The following LAMA2 variants were observed in gnomAD, a reference collection of about 807,000 sequenced individuals.
LAMA2 encodes the protein laminin subunit alpha-2.
Under a neutral mutation model 364.8 loss-of-function variants are expected in LAMA2, and 269 were observed. The observed-to-expected ratio is 0.74, with a 90% CI of 0.67 to 0.82. The LOEUF is 0.82. LAMA2 is among the 40% of genes least tolerant of loss of function. The pLI, the probability that LAMA2 is intolerant of heterozygous loss-of-function variation, is 0.00. For synonymous variants in LAMA2, 1,379 were observed against 1,370.6 expected (o/e 1.01, Z -0.14); for missense variants, 3,807 against 3,873.2 (o/e 0.98, Z 0.45).
At chr6:129,221,030 C>T (rs1361187177) in intron 12 of LAMA2, among the ~76,000 whole-genome samples, 1 of 151,854 alleles carries the variant, frequency 6.6e-6, no homozygotes, top group Non-Finnish European at 1.5e-5. Context: ...GGCATGGTGG[C>T]ACATGCCTGT....
At chr6:129,486,318 T>C (rs1784580051) in intron 55 of LAMA2, among the ~76,000 whole-genome samples, 156 bp from the exon 56 acceptor site, 1 of 152,236 alleles carries the variant, frequency 6.6e-6, no homozygotes, top group South Asian at 2.1e-4. Flanking sequence ...TAGAAAGATA[T>C]TTCCAGCTGT....
At chr6:129,061,821 G>GTAC (rs557290700) in intron 3 of LAMA2, among the ~76,000 whole-genome samples, 111 of 152,314 alleles carry the variant, frequency 7.3e-4, no homozygotes, top group Middle Eastern at 3.4e-3. Flanking sequence ...AGTGGAATTG[G>GTAC]TACAGAGCAT....
chr6:128,946,914 T>C (rs899736118), intron 1 of LAMA2, among the ~76,000 whole-genome samples: 1 of 152,232 alleles, frequency 6.6e-6, no homozygotes, highest in African/African-American at 2.4e-5. Context: ...TTGAGAGATA[T>C]ACTGTTAAAC....
At chr6:129,111,682 G>A (rs556940235) in intron 4 of LAMA2, among the ~76,000 whole-genome samples, 21 of 152,056 alleles carry the variant, frequency 1.4e-4, no homozygotes, top group African/African-American at 5.1e-4. Context: ...GTATCAATGG[G>A]AAATCAGGCA....
chr6:129,185,715 T>C (rs553042486), intron 10 of LAMA2, among the ~76,000 whole-genome samples: 132 of 151,946 alleles, frequency 8.7e-4, no homozygotes, highest in Non-Finnish European at 1.7e-3. Flanking sequence ...TTAAGTAGAT[T>C]GAAAACACTA....
At chr6:129,073,083 T>G (rs1193068671) in intron 3 of LAMA2, among the ~76,000 whole-genome samples, 2 of 152,164 alleles carry the variant, frequency 1.3e-5, no homozygotes, top group Admixed American at 6.5e-5. Context: ...GTTTTTTCAC[T>G]TTTCTTTACT....
rs374201203 is a variant in LAMA2, at chr6:129,391,598, G to C, written c.5179G>C (p.Glu1727Gln). Residue 1727 changes from glutamate (E) to glutamine (Q), a missense_variant, in exon 36 of 65, where the codon GAA becomes CAA. By Grantham distance (29) the Glu-to-Gln change is conservative (BLOSUM62 2). Coordinates refer to ENST00000421865, the MANE Select transcript of LAMA2 (RefSeq NM_000426.4). Reference sequence around the variant, plus strand: ...GAAAGAGATTGACCAGATGATTAAAGAACTGAGGAGGAAAAATCTAGAGAC... The same window carrying C: ...GAAAGAGATTGACCAGATGATTAAACAACTGAGGAGGAAAAATCTAGAGAC... ...LQKEIDQMIK[E>Q]LRRKNLETQK... 101 of 1,613,804 alleles carry C rather than the reference G, an allele frequency of 6.3e-5. No homozygotes were observed. Among genetic ancestry groups the C allele is most frequent in the Non-Finnish European group, 8.2e-5 (97 of 1,179,848 alleles).
chr6:129,278,859 A>G (rs1788511505), intron 17 of LAMA2, among the ~76,000 whole-genome samples: 1 of 152,312 alleles, frequency 6.6e-6, no homozygotes, highest in South Asian at 2.1e-4. Context: ...TATCCCAAAA[A>G]TAGGAAGAAC....
intron 28 of LAMA2, among the ~76,000 whole-genome samples, chr6:129,326,882 A>C (rs1364769013): frequency 6.7e-6 from 1 of 149,880 alleles, no homozygotes; most frequent in Non-Finnish European, 1.5e-5. Flanking sequence ...GGAATAACCC[A>C]CACTATGAAC....
intron 1 of LAMA2, among the ~76,000 whole-genome samples, chr6:128,958,147 A>G (rs867575930): frequency 6.6e-6 from 1 of 152,090 alleles, no homozygotes; most frequent in Non-Finnish European, 1.5e-5. Flanking sequence ...TAATCTAATG[A>G]ATCAAAAACA....
intron 46 of LAMA2, among the ~76,000 whole-genome samples, chr6:129,453,767 TA>T (rs1782809232): frequency 1.3e-5 from 2 of 152,094 alleles, no homozygotes; most frequent in African/African-American, 4.8e-5. Context: ...ATTTGGGAAA[TA>T]AAATCATAGC....
rs149963202 is a variant in LAMA2, at chr6:129,133,019, C to T, written c.640-10882C>T. Among the ~76,000 whole-genome samples, 565 of 152,164 alleles carry T rather than the reference C, an allele frequency of 3.7e-3. 2 individuals carry two copies. Among genetic ancestry groups the T allele is most frequent in the Non-Finnish European group, 3.9e-3 (266 of 68,018 alleles). On this transcript the variant is annotated intron_variant, in intron 4 of 64. Transcript: ENST00000421865. ...CTGAACACACACACAAACACACATACGTACATGCAATCACACAAAGTATCA... is the reference window on the plus strand; with the variant it reads ...CTGAACACACACACAAACACACATATGTACATGCAATCACACAAAGTATCA...
At chr6:129,402,517 GT>G in intron 39 of LAMA2, 30 bp downstream of exon 39, 1 of 1,604,580 alleles carries the variant, frequency 6.2e-7, no homozygotes, top group Non-Finnish European at 8.5e-7. Flanking sequence ...AAATGTTTGT[GT>G]ATTTTGATGC....
chr6:129,080,554 C>G (rs1009061247), intron 3 of LAMA2, among the ~76,000 whole-genome samples: 3 of 152,026 alleles, frequency 2.0e-5, no homozygotes, highest in African/African-American at 7.2e-5. Flanking sequence ...AGAAAAAAAT[C>G]AAACTACCCC....
At chr6:129,306,161 C>G (rs1318192281) in intron 22 of LAMA2, among the ~76,000 whole-genome samples, 3 of 151,822 alleles carry the variant, frequency 2.0e-5, no homozygotes, top group Non-Finnish European at 2.9e-5. Context: ...TCCTATAACT[C>G]TTTTTCCTTG....
At chr6:128,951,111 A>G (rs9385476) in intron 1 of LAMA2, among the ~76,000 whole-genome samples, 152,231 of 152,298 alleles carry the variant, frequency 1, 76,082 homozygotes, top group Middle Eastern at 1. Context: ...TCTGTGTGAG[A>G]TTTCTATGAT....
chr6:128,947,431 CTGT>C (rs1326042895), intron 1 of LAMA2, among the ~76,000 whole-genome samples: 1 of 152,120 alleles, frequency 6.6e-6, no homozygotes, highest in Non-Finnish European at 1.5e-5. Flanking sequence ...TTTCAATGTA[CTGT>C]TGAGTGGGAA....
chr6:129,116,549 G>A (rs1210446590), intron 4 of LAMA2, among the ~76,000 whole-genome samples: 3 of 152,008 alleles, frequency 2.0e-5, no homozygotes. Flanking sequence ...GATGATTTGT[G>A]TGAAGGGTTT....
intron 15 of LAMA2, among the ~76,000 whole-genome samples, chr6:129,264,387 G>T (rs753127023): frequency 6.6e-6 from 1 of 151,814 alleles, no homozygotes; most frequent in Non-Finnish European, 1.5e-5. Context: ...GGTGTGTGTG[G>T]GGGGGTGGGG....
Sources: gnomAD v4.1 joint callset for allele counts (sites outside exome capture counted in the v4.1 genomes callset) on GRCh38, gnomAD v4.1.1 for gene constraint, MANE v1.5 for transcripts, NCBI Gene and HGNC (gene_info 2026-07-23, HGNC 2026-07-21) for gene names.